MAPK8: variants seen among roughly 807,000 people sequenced by gnomAD.
The protein encoded by MAPK8 is mitogen-activated protein kinase 8.
MAPK8 carries 13 observed loss-of-function variants against 52.9 expected under a neutral mutation model. The ratio of observed to expected loss-of-function variants is 0.25; its 90% confidence interval spans 0.16 to 0.39. The LOEUF (loss-of-function observed/expected upper bound fraction) is 0.39, where lower values mean the gene tolerates loss of function less well. Among genes scored for constraint, MAPK8 ranks in the 10% least tolerant of loss-of-function variants. The pLI, the probability that MAPK8 is intolerant of heterozygous loss-of-function variation, is 1.00. For synonymous variants in MAPK8, 191 were observed against 169.8 expected (o/e 1.12, Z -0.97); for missense variants, 300 against 519.2 (o/e 0.58, Z 4.10).
intron 1 of MAPK8, among the ~76,000 whole-genome samples, chr10:48,354,276 C>T (rs1846630342): frequency 6.6e-6 from 1 of 152,196 alleles, no homozygotes; most frequent in South Asian, 2.1e-4. Context: ...GACATTTAAA[C>T]TGGTTTTTGC....
At chr10:48,389,801 G>A (rs1360321335) in intron 1 of MAPK8, among the ~76,000 whole-genome samples, 1 of 152,198 alleles carries the variant, frequency 6.6e-6, no homozygotes, top group African/African-American at 2.4e-5. Flanking sequence ...TAGAATGTTA[G>A]CAATGGTAAG....
intron 6 of MAPK8, among the ~76,000 whole-genome samples, chr10:48,423,625 T>C (rs2043495501): frequency 6.6e-6 from 1 of 152,212 alleles, no homozygotes; most frequent in Admixed American, 6.5e-5. Flanking sequence ...ATTATTTCTG[T>C]TAGATATTTT....
rs1003229655 is a variant in MAPK8 at position 48,328,823 on chromosome 10, T to C, written c.-50+22002T>C. On this transcript the variant is annotated intron_variant, in intron 1 of 11. Coordinates refer to ENST00000374189, the MANE Select transcript of MAPK8 (RefSeq NM_001323329.2). ...TCTTCTATGGCATCTCTGAAAGTAA[T>C]TTATACTTTGCCAGTTTGTACTTTT... is the stretch of plus-strand genomic sequence containing the variant. 2.6e-5 allele frequency among the ~76,000 whole-genome samples: 4 copies of C among 152,224 alleles called. No homozygotes were observed. The East Asian group carries it at 7.7e-4, about 29-fold the overall frequency.
rs150251040 is a variant in MAPK8 at position 48,406,757 on chromosome 10, A to G, written c.252+1776A>G. Among the ~76,000 whole-genome samples, 109 of 152,264 alleles carry G rather than the reference A, an allele frequency of 7.2e-4. 1 individual carries two copies. The highest frequency in any genetic ancestry group is 3.4e-3 in the Middle Eastern group (1 of 294). ...CTCTGGTTTTTCTCATTCTTTTCAT[A>G]GATGGTCTTGAGTTTCTTTTTTAAT... On this transcript the variant is annotated intron_variant, in intron 3 of 11. Coordinates refer to ENST00000374189, the MANE Select transcript of MAPK8 (RefSeq NM_001323329.2).
At chr10:48,387,672 G>A (rs1390787087) in intron 1 of MAPK8, among the ~76,000 whole-genome samples, 1 of 152,100 alleles carries the variant, frequency 6.6e-6, no homozygotes, top group East Asian at 1.9e-4. Flanking sequence ...CCCATCCTAG[G>A]AAGCTTATGC....
At chr10:48,349,742 C>A (rs1846123847) in intron 1 of MAPK8, among the ~76,000 whole-genome samples, 1 of 152,092 alleles carries the variant, frequency 6.6e-6, no homozygotes, top group Non-Finnish European at 1.5e-5. Context: ...AGTTCAAAAG[C>A]TAGCAGAAGA....
chr10:48,424,437 G>A, intron 7 of MAPK8: 1 of 917,618 alleles, frequency 1.1e-6, no homozygotes, highest in Non-Finnish European at 1.7e-6. Flanking sequence ...TACATGGTGT[G>A]TGTGATTTTA....
Position 48,435,067 on chromosome 10 carries a change from C to T in MAPK8, c.*38C>T, listed in dbSNP as rs371191645. On this transcript the variant is annotated 3_prime_UTR_variant, in exon 12 of 12. Coordinates refer to ENST00000374189, the MANE Select transcript of MAPK8 (RefSeq NM_001323329.2). ...TCGGGGGGTGGGAGGGATGGGGAGT[C>T]GGTTAGTCATTGATAGAACTACTTT... 1.4e-5 allele frequency: 21 copies of T among 1,451,792 alleles called. 1 individual carries two copies. Among genetic ancestry groups the T allele is most frequent in the South Asian group, 1.1e-4 (8 of 72,856 alleles). The allele number at this position is 1,451,792 out of a possible 1,614,324, so 89.9% of individuals were successfully genotyped here. A position where few individuals can be genotyped will look rare whatever the true frequency, so the allele number is the denominator to read the frequency against.
intron 1 of MAPK8, among the ~76,000 whole-genome samples, chr10:48,399,518 C>T (rs1012231978): frequency 6.6e-6 from 1 of 152,136 alleles, no homozygotes; most frequent in Non-Finnish European, 1.5e-5. Context: ...TTCTTGTCAC[C>T]GTGAATCCCA....
chr10:48,355,236 G>A (rs759514020), intron 1 of MAPK8, among the ~76,000 whole-genome samples: 13 of 152,174 alleles, frequency 8.5e-5, no homozygotes, highest in Non-Finnish European at 1.5e-4. Context: ...AGGGCTGGGC[G>A]TGGTGGCTCA....
chr10:48,408,706 G>A (rs554288761), intron 3 of MAPK8, among the ~76,000 whole-genome samples: 2 of 152,234 alleles, frequency 1.3e-5, no homozygotes, highest in South Asian at 2.1e-4. Flanking sequence ...GAAAACCATC[G>A]TTAGTGACCC....
At chr10:48,346,938 C>G (rs1049523077) in intron 1 of MAPK8, among the ~76,000 whole-genome samples, 6 of 152,312 alleles carry the variant, frequency 3.9e-5, no homozygotes, top group African/African-American at 1.4e-4. Flanking sequence ...AGGTGACTCA[C>G]ATTCTTTACC....
In MAPK8 at chr10:48,409,876, T is replaced by C; in HGVS notation, c.253-3T>C. 1 of 1,598,436 alleles carries C rather than the reference T, an allele frequency of 6.3e-7. No homozygotes were observed. The highest frequency in any genetic ancestry group is 8.6e-7 in the Non-Finnish European group (1 of 1,167,938). On this transcript the variant is annotated splice_region_variant and splice_polypyrimidine_tract_variant and intron_variant, in intron 3 of 11. Coordinates refer to ENST00000374189, the MANE Select transcript of MAPK8 (RefSeq NM_001323329.2). ...TTTTTCTGTCTCTCGACTTTTATTA[T>C]AGATAATTGGCCTTTTGAATGTTTT... is the stretch of plus-strand genomic sequence containing the variant.
At chr10:48,313,161 G>A (rs959609596) in intron 1 of MAPK8, among the ~76,000 whole-genome samples, 9 of 152,168 alleles carry the variant, frequency 5.9e-5, no homozygotes, top group African/African-American at 1.7e-4. Flanking sequence ...GGCCAGGCGC[G>A]GTGGCTCACG....
intron 1 of MAPK8, among the ~76,000 whole-genome samples, chr10:48,342,422 A>T (rs1845383164): frequency 6.6e-6 from 1 of 151,876 alleles, no homozygotes; most frequent in African/African-American, 2.4e-5. Context: ...TATTTTTTAT[A>T]AAAAAAAATT....
intron 1 of MAPK8, among the ~76,000 whole-genome samples, chr10:48,321,502 A>C (rs939374735): frequency 6.6e-6 from 1 of 152,204 alleles, no homozygotes; most frequent in Non-Finnish European, 1.5e-5. Flanking sequence ...TTTGTAGCAC[A>C]AAAAGTTTTA....
At chr10:48,364,347 T>C (rs530045327) in intron 1 of MAPK8, among the ~76,000 whole-genome samples, 2 of 152,234 alleles carry the variant, frequency 1.3e-5, no homozygotes, top group South Asian at 4.1e-4. Context: ...ATGAGTATAA[T>C]GAAATGGCTC....
rs1025725572 is a variant in MAPK8 at position 48,437,208 on chromosome 10, A to G, written c.*2179A>G. 1 of 152,236 alleles carries G rather than the reference A, an allele frequency of 6.6e-6. No homozygotes were observed. The highest frequency in any genetic ancestry group is 1.5e-5 in the Non-Finnish European group (1 of 68,032). 9.4% of individuals were successfully genotyped at this position (152,236 alleles called of 1,614,324 possible). ...TGTAAACTAAAATACTTAACAAATT[A>G]TATCCTAAAAACAAGGTCTCTTTGT... On this transcript the variant is annotated 3_prime_UTR_variant, in exon 12 of 12. Transcript: ENST00000374189.
chr10:48,420,426 G>C, intron 6 of MAPK8, 106 bp downstream of exon 6: 1 of 1,068,868 alleles, frequency 9.4e-7, no homozygotes, highest in Non-Finnish European at 1.3e-6. Context: ...AGTTAAATGT[G>C]TATCATTGTT....
Sources: gnomAD v4.1 joint callset for allele counts (sites outside exome capture counted in the v4.1 genomes callset) on GRCh38, gnomAD v4.1.1 for gene constraint, MANE v1.5 for transcripts, NCBI Gene and HGNC (gene_info 2026-07-23, HGNC 2026-07-21) for gene names.